Variants in PDE8B observed in about 807,000 individuals in gnomAD.
PDE8B encodes the protein high affinity cAMP-specific and IBMX-insensitive 3',5'-cyclic phosphodiesterase 8B.
A neutral mutation model predicts 101.3 loss-of-function variants in PDE8B; 26 were observed. The observed-to-expected ratio is 0.26, with a 90% CI of 0.19 to 0.36. The LOEUF is 0.36. Among genes scored for constraint, PDE8B ranks in the 10% least tolerant of loss-of-function variants. The pLI, the probability that PDE8B is intolerant of heterozygous loss-of-function variation, is 1.00. For synonymous variants in PDE8B, 424 were observed against 429.3 expected (o/e 0.99, Z 0.15); for missense variants, 810 against 1,163.1 (o/e 0.70, Z 4.42).
the PDE8B span, among the ~76,000 whole-genome samples, chr5:77,091,501 G>A: frequency 6.6e-6 from 1 of 152,106 alleles, no homozygotes; most frequent in Non-Finnish European, 1.5e-5. Flanking sequence ...AATTAGCCGG[G>A]TGTGGTGGTG....
the PDE8B span, chr5:77,146,915 G>T: frequency 2.3e-6 from 1 of 435,852 alleles, no homozygotes. Flanking sequence ...AAAATCAAAG[G>T]AGAACATCCT....
chr5:77,363,280 T>C (rs1783476029), intron 10 of PDE8B, among the ~76,000 whole-genome samples: 1 of 151,950 alleles, frequency 6.6e-6, no homozygotes, highest in South Asian at 2.1e-4. Context: ...AACCCTAAAG[T>C]AGTTAGCAAT....
At chr5:77,152,191 C>A in the PDE8B span, 50 of 152,324 alleles carry the variant, frequency 3.3e-4, no homozygotes, top group African/African-American at 1.2e-3. Flanking sequence ...TTTGGCCTCT[C>A]TTTTCTGTGA....
the PDE8B span, among the ~76,000 whole-genome samples, chr5:77,109,937 T>TTTG: frequency 4.2e-4 from 48 of 114,082 alleles, 1 homozygote; most frequent in Middle Eastern, 4.2e-3. Context: ...GTTTTTTTTT[T>TTTG]TTTTTTTTTT....
At chr5:77,182,813 A>G in the PDE8B span, among the ~76,000 whole-genome samples, 1 of 151,794 alleles carries the variant, frequency 6.6e-6, no homozygotes, top group Non-Finnish European at 1.5e-5. Flanking sequence ...AGAATCAGTT[A>G]ATAAACACAT....
At chr5:77,197,783 T>C in the PDE8B span, among the ~76,000 whole-genome samples, 1 of 152,204 alleles carries the variant, frequency 6.6e-6, no homozygotes, top group South Asian at 2.1e-4. Context: ...CTGCTTTTAG[T>C]TCCATCCAGT....
chr5:77,343,038 C>T (rs1340895585), intron 6 of PDE8B, among the ~76,000 whole-genome samples: 2 of 152,202 alleles, frequency 1.3e-5, no homozygotes, highest in African/African-American at 4.8e-5. Context: ...GTCATTGCCT[C>T]GTGTTAGTGT....
chr5:77,178,243 T>C, the PDE8B span, among the ~76,000 whole-genome samples: 114,839 of 152,148 alleles, frequency 0.75, 44,454 homozygotes, highest in East Asian at 0.94. Context: ...TGTTGTTTTT[T>C]TCTTTTTGTT....
intron 1 of PDE8B, among the ~76,000 whole-genome samples, chr5:77,223,680 T>C (rs1751702728): frequency 6.6e-6 from 1 of 152,158 alleles, no homozygotes; most frequent in Non-Finnish European, 1.5e-5. Context: ...CTTTGTATTA[T>C]ATGAGGCTAG....
chr5:77,160,372 A>G, the PDE8B span, among the ~76,000 whole-genome samples: 1 of 152,212 alleles, frequency 6.6e-6, no homozygotes, highest in Admixed American at 6.5e-5. Flanking sequence ...TGCAGAATCC[A>G]CAGACAGGAA....
At chr5:77,267,906 A>G (rs1326172991) in intron 1 of PDE8B, among the ~76,000 whole-genome samples, 1 of 152,236 alleles carries the variant, frequency 6.6e-6, no homozygotes, top group Non-Finnish European at 1.5e-5. Context: ...GAAATTGTTT[A>G]GTCTGAGATT....
the PDE8B span, among the ~76,000 whole-genome samples, chr5:77,156,360 G>A: frequency 6.6e-6 from 1 of 152,184 alleles, no homozygotes; most frequent in Non-Finnish European, 1.5e-5. Flanking sequence ...TGAACCCCAA[G>A]CTCCTTCTTG....
At chr5:77,379,491 G>C (rs1787033813) in intron 10 of PDE8B, among the ~76,000 whole-genome samples, 2 of 152,170 alleles carry the variant, frequency 1.3e-5, no homozygotes, top group African/African-American at 4.8e-5. Flanking sequence ...AAAATGTACT[G>C]AAGTGGTATG....
intron 11 of PDE8B, among the ~76,000 whole-genome samples, chr5:77,403,837 A>T (rs751339394): frequency 1.4e-5 from 2 of 147,004 alleles, no homozygotes; most frequent in Non-Finnish European, 3.0e-5. Context: ...TTTTTTTTGG[A>T]GACAGAGTTT....
chr5:77,400,186 A>G, intron 10 of PDE8B, 62 bp from the exon 11 acceptor site: 1 of 1,115,702 alleles, frequency 9.0e-7, no homozygotes, highest in East Asian at 2.3e-5. Flanking sequence ...TTGATGAGAA[A>G]TATAGCAAAT....
intron 7 of PDE8B, among the ~76,000 whole-genome samples, chr5:77,347,594 A>C (rs1306644978): frequency 6.6e-6 from 1 of 152,224 alleles, no homozygotes; most frequent in East Asian, 1.9e-4. Flanking sequence ...GATCAATTCA[A>C]AATAGCCTTT....
At chr5:77,182,446 T>G in the PDE8B span, among the ~76,000 whole-genome samples, 1 of 152,090 alleles carries the variant, frequency 6.6e-6, no homozygotes, top group Non-Finnish European at 1.5e-5. Context: ...TTGAGCTTGG[T>G]TATATAATCC....
chr5:77,140,831 G>A, the PDE8B span: 1 of 152,120 alleles, frequency 6.6e-6, no homozygotes, highest in East Asian at 1.9e-4. Flanking sequence ...TGTCAGATGT[G>A]TTTGCCATAC....
At chr5:77,161,375 A>C in the PDE8B span, among the ~76,000 whole-genome samples, 1 of 152,108 alleles carries the variant, frequency 6.6e-6, no homozygotes, top group Non-Finnish European at 1.5e-5. Context: ...TTATCGTTGT[A>C]TAGTTTTCCA....
Sources: gnomAD v4.1 joint callset for allele counts (sites outside exome capture counted in the v4.1 genomes callset) on GRCh38, gnomAD v4.1.1 for gene constraint, MANE v1.5 for transcripts, NCBI Gene and HGNC (gene_info 2026-07-23, HGNC 2026-07-21) for gene names.